Variants in ADRA1A observed in about 807,000 individuals in gnomAD.
ADRA1A encodes adrenoceptor alpha 1A.
In ADRA1A, 31 loss-of-function variants were observed where a neutral mutation model predicts 29.6. That is an observed-to-expected ratio of 1.05 (90% confidence interval 0.79 to 1.41). The LOEUF is 1.41. Ranked by LOEUF, ADRA1A falls within the 40% of genes most tolerant of loss-of-function variation. ADRA1A has a pLI of 0.00. For missense variants in ADRA1A, 619 were observed against 601.1 expected (o/e 1.03, Z -0.31); for synonymous variants, 311 against 254.3 (o/e 1.22, Z -2.12).
At chr8:26,820,323 G>C (rs947365763) in intron 2 of ADRA1A, among the ~76,000 whole-genome samples, 1 of 152,128 alleles carries the variant, frequency 6.6e-6, no homozygotes, top group East Asian at 1.9e-4. Flanking sequence ...CATTCTCCAG[G>C]ATAGATCATA....
rs139957822 is a variant in ADRA1A, at chr8:26,750,464, C to T, written c.1270-1716G>A. Reference sequence around the variant, plus strand: ...TGATCCACTGGCCTCGGCCTCCGAACGTGCTGGGATTACAGGCATGAGCCA... The same window carrying T: ...TGATCCACTGGCCTCGGCCTCCGAATGTGCTGGGATTACAGGCATGAGCCA... On this transcript the variant is annotated intron_variant, in intron 2 of 2. Transcript: ENST00000380586. Among the ~76,000 whole-genome samples the T allele has an allele frequency of 3.2e-3, 494 of 152,226 alleles. 3 individuals are homozygous for T. The highest frequency in any genetic ancestry group is 0.011 in the African/African-American group (461 of 41,524).
intron 2 of ADRA1A, among the ~76,000 whole-genome samples, chr8:26,862,773 C>A (rs1347337341): frequency 2.0e-5 from 3 of 152,208 alleles, no homozygotes; most frequent in Non-Finnish European, 4.4e-5. Context: ...AGTCACTGGC[C>A]ACGTGTGACT....
At chr8:26,853,598 G>A (rs1292381990) in intron 2 of ADRA1A, 1 of 152,158 alleles carries the variant, frequency 6.6e-6, no homozygotes, top group Non-Finnish European at 1.5e-5. Flanking sequence ...TATAACAAAT[G>A]TGGTTTTCCA....
At chr8:26,767,711 G>A (rs541384516), downstream of ADRA1A, among the ~76,000 whole-genome samples, 1 of 152,220 alleles carries the variant, frequency 6.6e-6, no homozygotes, top group African/African-American at 2.4e-5. Context: ...GTCTGTAAAG[G>A]TGTTTAAAGG....
chr8:26,846,081 G>A (rs1029092382), intron 2 of ADRA1A, among the ~76,000 whole-genome samples: 1 of 152,206 alleles, frequency 6.6e-6, no homozygotes, highest in Non-Finnish European at 1.5e-5. Flanking sequence ...TTTACGTTAT[G>A]TGAATTTAAT....
rs752559820 is a variant in ADRA1A at position 26,775,595 on chromosome 8, C to T, written c.884-4929G>A. Among the ~76,000 whole-genome samples, 4 of 152,166 alleles carry T rather than the reference C, an allele frequency of 2.6e-5. No homozygotes were observed. The highest frequency in any genetic ancestry group is 5.9e-5 in the Non-Finnish European group (4 of 68,028). On this transcript the variant is annotated intron_variant, in intron 2 of 2. Coordinates refer to ENST00000380573, the MANE Select transcript of ADRA1A (RefSeq NM_000680.4). The surrounding 1 kb of genome is among the most constrained non-coding windows in gnomAD (Gnocchi z 4.1). ...AAGAGCCAACAGCTCCTGACTTAAT[C>T]CCCTGAACACCTTGCCCTGCAGCTC...
Position 26,866,946 on chromosome 8 carries a change from G to T in ADRA1A, c.-697C>A, listed in dbSNP as rs563375224. The T allele has an allele frequency of 1.0e-6, 1 of 985,136 alleles. No homozygotes were observed. Among genetic ancestry groups the T allele is most frequent in the Admixed American group, 6.1e-5 (1 of 16,268 alleles). 61.0% of individuals were successfully genotyped at this position (985,136 alleles called of 1,614,324 possible). ...CCCCGGCGCACTCACCTGAAGCGCC[G>T]CTGCTGAGCCACCAGCTCGCGCGCG... On this transcript the variant is annotated 5_prime_UTR_variant, in exon 1 of 3. Transcript: ENST00000380573. The surrounding 1 kb of genome is among the most constrained non-coding windows in gnomAD (Gnocchi z 5.7).
intron 2 of ADRA1A, among the ~76,000 whole-genome samples, chr8:26,789,560 C>G (rs920355053): frequency 1.3e-5 from 2 of 151,984 alleles, no homozygotes; most frequent in African/African-American, 4.8e-5. Flanking sequence ...TATAAATATA[C>G]TAGAAGAAAA....
intron 2 of ADRA1A, among the ~76,000 whole-genome samples, chr8:26,776,411 G>T (rs1806553127): frequency 6.6e-6 from 1 of 152,192 alleles, no homozygotes; most frequent in Admixed American, 6.5e-5. Flanking sequence ...ACTGGGCTAT[G>T]GTAAACCCTA....
intron 2 of ADRA1A, chr8:26,854,741 G>A (rs1249397783): frequency 6.6e-6 from 1 of 152,246 alleles, no homozygotes; most frequent in East Asian, 1.9e-4. Context: ...TGACTACTAT[G>A]ACATTTGTAA....
chr8:26,833,211 A>G (rs1309705347), intron 2 of ADRA1A, among the ~76,000 whole-genome samples: 1 of 152,150 alleles, frequency 6.6e-6, no homozygotes, highest in Non-Finnish European at 1.5e-5. Context: ...GGAAACAGAC[A>G]AGACTCTCAG....
chr8:26,778,293 T>C (rs2045552948), intron 2 of ADRA1A, among the ~76,000 whole-genome samples: 1 of 152,184 alleles, frequency 6.6e-6, no homozygotes, highest in African/African-American at 2.4e-5. Context: ...TTGTGTCCAA[T>C]AAATAATTTG....
chr8:26,820,956 C>G (rs1247944956), intron 2 of ADRA1A, among the ~76,000 whole-genome samples: 1 of 152,052 alleles, frequency 6.6e-6, no homozygotes, highest in Non-Finnish European at 1.5e-5. Flanking sequence ...GTGGTGCCAT[C>G]TTAGCTCACT....
At chr8:26,757,890 C>A (rs1420538646) in intron 2 of ADRA1A, among the ~76,000 whole-genome samples, 4 of 152,112 alleles carry the variant, frequency 2.6e-5, no homozygotes, top group Non-Finnish European at 4.4e-5. Flanking sequence ...CACACCTTTT[C>A]TATAATGACT....
intron 2 of ADRA1A, among the ~76,000 whole-genome samples, chr8:26,814,709 G>C (rs1809644731): frequency 1.3e-5 from 2 of 152,124 alleles, no homozygotes; most frequent in Admixed American, 1.3e-4. Flanking sequence ...TCCATCTAGA[G>C]AGATGTCTAG....
intron 2 of ADRA1A, among the ~76,000 whole-genome samples, chr8:26,861,880 T>G (rs561303228): frequency 2.6e-5 from 4 of 152,266 alleles, no homozygotes; most frequent in African/African-American, 9.6e-5. Context: ...GTCCAAGATG[T>G]CATGACCTCT....
At chr8:26,774,906 T>A (rs1259199825) in intron 2 of ADRA1A, among the ~76,000 whole-genome samples, 1 of 152,164 alleles carries the variant, frequency 6.6e-6, no homozygotes, top group East Asian at 1.9e-4. Flanking sequence ...TCAGCCTCCA[T>A]TCTTCCCAAA....
At chr8:26,862,987 C>G (rs1234167829) in intron 2 of ADRA1A, among the ~76,000 whole-genome samples, 1 of 152,100 alleles carries the variant, frequency 6.6e-6, no homozygotes, top group African/African-American at 2.4e-5. Context: ...AAATAAAAAG[C>G]TTAGGAAAAT....
chr8:26,751,387 C>T (rs755561755), intron 2 of ADRA1A, among the ~76,000 whole-genome samples: 3 of 152,142 alleles, frequency 2.0e-5, no homozygotes, highest in Non-Finnish European at 2.9e-5. Flanking sequence ...TATTTATAAA[C>T]AGGAGAATTA....
Sources: allele counts gnomAD v4.1 joint callset (sites outside exome capture counted in the v4.1 genomes callset), GRCh38; gene constraint gnomAD v4.1.1; non-coding constraint Gnocchi (gnomAD v3.1); transcripts MANE v1.5; gene names NCBI Gene and HGNC (gene_info 2026-07-23, HGNC 2026-07-21).